Variants in SLFN12 observed in about 807,000 individuals in gnomAD.
The protein encoded by SLFN12 is schlafen family member 12, also known as ribonuclease SLFN12.
SLFN12 carries 25 observed loss-of-function variants against 29.1 expected under a neutral mutation model. The observed-to-expected ratio is 0.86, with a 90% CI of 0.63 to 1.20. SLFN12 has a LOEUF of 1.20. Among genes scored for constraint, SLFN12 ranks in the 50% most tolerant of loss-of-function variants. The pLI is 0.00. For missense variants in SLFN12, 660 were observed against 666.2 expected (o/e 0.99, Z 0.10); for synonymous variants, 257 against 238.7 (o/e 1.08, Z -0.71).
intron 2 of SLFN12, 148 bp downstream of exon 2, chr17:35,421,842 G>T: frequency 8.5e-7 from 1 of 1,176,874 alleles, no homozygotes; most frequent in Non-Finnish European, 1.2e-6. Context: ...GCCTGGCCGA[G>T]GCAGGGAACT....
Position 35,411,801 on chromosome 17 carries a change from G to A in SLFN12, c.1274C>T (p.Ser425Phe), listed in dbSNP as rs1198549641. The change falls in exon 4 of 4, where the codon TCT becomes TTT. Residue 425 changes from serine (S) to phenylalanine (F), a missense_variant. Transcript: ENST00000304905. ...GCCCAGATCCACAGACCAGCTCCTA[G>A]AGAAGATCAGTGAGCCCTTTCTGAC... is the stretch of plus-strand genomic sequence containing the variant. ...DSVRKGSLIF[S>F]RSWSVDLGLQ... 25 of 1,613,944 alleles carry A rather than the reference G, an allele frequency of 1.5e-5. No homozygotes were observed. The highest frequency in any genetic ancestry group is 1.8e-5 in the Non-Finnish European group (21 of 1,180,018).
At chr17:35,427,643 T>C (rs747632728) in intron 1 of SLFN12, among the ~76,000 whole-genome samples, 3 of 152,176 alleles carry the variant, frequency 2.0e-5, no homozygotes, top group Non-Finnish European at 4.4e-5. Context: ...CAATATAGTA[T>C]ATACAACAAG....
intron 3 of SLFN12, among the ~76,000 whole-genome samples, chr17:35,419,025 A>C (rs1218689580): frequency 6.6e-6 from 1 of 151,966 alleles, no homozygotes; most frequent in African/African-American, 2.4e-5. Context: ...GCACCACCAC[A>C]CCTGGCTAAT....
intron 2 of SLFN12, among the ~76,000 whole-genome samples, chr17:35,421,539 T>G (rs1911648281): frequency 5.7e-5 from 8 of 140,898 alleles, no homozygotes; most frequent in Admixed American, 1.4e-4. Context: ...GGGAACTTTT[T>G]TTTTTTTTTT....
chr17:35,417,388 C>T (rs1487733806), intron 3 of SLFN12, among the ~76,000 whole-genome samples: 1 of 152,062 alleles, frequency 6.6e-6, no homozygotes. Flanking sequence ...CTAGAAATAT[C>T]ATTAAACTTC....
At chr17:35,421,465 G>A (rs1360483627) in intron 2 of SLFN12, among the ~76,000 whole-genome samples, 1 of 150,554 alleles carries the variant, frequency 6.6e-6, no homozygotes, top group Admixed American at 6.6e-5. Flanking sequence ...ACTAAAAGTA[G>A]ATGATGTGCT....
intron 1 of SLFN12, among the ~76,000 whole-genome samples, chr17:35,425,833 CT>C (rs1475313050): frequency 2.3e-4 from 5 of 22,212 alleles, no homozygotes; most frequent in South Asian, 1.4e-3. Flanking sequence ...CTTTTCTTTT[CT>C]TTTCTTTTTT....
chr17:35,413,435 C>T (rs1401226426), intron 3 of SLFN12, among the ~76,000 whole-genome samples: 1 of 151,912 alleles, frequency 6.6e-6, no homozygotes, highest in African/African-American at 2.4e-5. Context: ...GCTAGCAAAC[C>T]AAATTCAACA....
chr17:35,421,758 T>A (rs995419431), intron 2 of SLFN12, among the ~76,000 whole-genome samples: 3 of 151,872 alleles, frequency 2.0e-5, no homozygotes, highest in Non-Finnish European at 4.4e-5. Flanking sequence ...CCAGGGATGG[T>A]CTCTATCTCC....
Position 35,422,684 on chromosome 17 carries a change from A to G in SLFN12, c.345T>C (p.Ser115=). 1.2e-6 allele frequency: 2 copies of G among 1,614,144 alleles called. No individual in the cohort carries two copies. The highest frequency in any genetic ancestry group is 8.5e-7 in the Non-Finnish European group (1 of 1,180,010). Residue 115 remains serine, a synonymous_variant, in exon 2 of 4, where the codon TCT becomes TCC. Transcript: ENST00000304905. ...AGCTCAAGGTGGTAATCCGCAGACC[A>G]GAGGTGTTCAAGCTCCATGACTTCA... ...IFVKSWSLNT[S]GLRITTLSSN...
intron 1 of SLFN12, chr17:35,430,479 T>C (rs1267512114): frequency 6.6e-6 from 1 of 152,164 alleles, no homozygotes; most frequent in Non-Finnish European, 1.5e-5. Context: ...ACCATCATTT[T>C]GGGTTTCCAG....
chr17:35,422,369 C>G lies in SLFN12; in HGVS notation c.660G>C (p.Glu220Asp). Residue 220 changes from glutamate to aspartate, a missense_variant, in exon 2 of 4, where the codon GAG becomes GAC. Glu to Asp is a conservative substitution (Grantham distance 45, BLOSUM62 2). Transcript: ENST00000304905. The part of the protein sequence containing the change: ...STEKLLQRIK[E>D]ILPQYVSAFA... ...ATGCAGAAACATATTGAGGGAGAAT[C>G]TCTTTAATTCGTTGTAACAACTTTT... 6.2e-7 allele frequency: 1 copy of G among 1,614,004 alleles called. No individual in the cohort carries two copies. The highest frequency in any genetic ancestry group is 8.5e-7 in the Non-Finnish European group (1 of 1,179,978).
intron 2 of SLFN12, 139 bp downstream of exon 2, chr17:35,421,851 C>G (rs17548916): frequency 0.084 from 102,510 of 1,222,348 alleles, 5,402 homozygotes; most frequent in Middle Eastern, 0.2. Context: ...AGGCAGGGAA[C>G]TATTGATTGT....
chr17:35,423,377 C>A (rs1401542769), intron 1 of SLFN12, among the ~76,000 whole-genome samples: 3 of 151,980 alleles, frequency 2.0e-5, no homozygotes, highest in African/African-American at 7.2e-5. Context: ...CTTAAACAAC[C>A]CCTGGAGTGA....
chr17:35,420,281 G>A lies in SLFN12; in HGVS notation c.1140C>T (p.His380=). The A allele has an allele frequency of 1.9e-6, 3 of 1,610,556 alleles. No homozygotes were observed. Among genetic ancestry groups the A allele is most frequent in the East Asian group, 4.5e-5 (2 of 44,840 alleles). The change falls in exon 3 of 4, where the codon CAC becomes CAT. Residue 380 remains histidine (H), a synonymous_variant. Coordinates refer to ENST00000304905, the MANE Select transcript of SLFN12 (RefSeq NM_018042.5). ...PLLEWQRQRH[H]CPGLSGRITY... is the part of the protein sequence containing the mutation. ...AAGCCAGAATGAAATTACCTGGACA[G>A]TGATGTCTCTGCCGTTGCCATTCCA...
chr17:35,424,590 T>C (rs376134625), intron 1 of SLFN12, among the ~76,000 whole-genome samples: 2 of 152,276 alleles, frequency 1.3e-5, no homozygotes, highest in East Asian at 1.9e-4. Context: ...TAGTAATTGC[T>C]ATACTAGAAA....
chr17:35,422,456 A>G lies in SLFN12; in HGVS notation c.573T>C (p.Asp191=), dbSNP rs748268085. The G allele has an allele frequency of 1.7e-5, 27 of 1,612,344 alleles. No homozygotes were observed. Among genetic ancestry groups the G allele is most frequent in the Admixed American group, 1.5e-4 (9 of 59,692 alleles). Residue 191 remains aspartate, a synonymous_variant, in exon 2 of 4, where the codon GAT becomes GAC. Transcript: ENST00000304905. ...CAGTAAAGGTCAATTTTTCTTTCCG[A>G]TCAAGTTCTGTTCTATCAAAAAAAA... ...AGVFFDRTEL[D]RKEKLTFTES... is the part of the protein sequence containing the mutation.
At position 35,422,968 on chromosome 17, in the gene SLFN12, C is replaced by T; in HGVS notation, c.61G>A (p.Val21Ile). ...YAELVLDVGR[V>I]TLGENSRKKM... ...TTCCTACTGTTCTCTCCAAGAGTGA[C>T]TCTTCCCACATCTAGAACCAACTCG... The change falls in exon 2 of 4, where the codon GTC (valine) becomes ATC (isoleucine). Residue 21 changes from valine (V) to isoleucine (I), a missense_variant. Physicochemically the swap from Val to Ile is conservative, Grantham distance 29 (BLOSUM62 3). Transcript: ENST00000304905. 1 of 1,613,654 alleles carries T rather than the reference C, an allele frequency of 6.2e-7. No individual in the cohort carries two copies. The highest frequency in any genetic ancestry group is 8.5e-7 in the Non-Finnish European group (1 of 1,179,928).
chr17:35,427,481 G>C (rs1028561618), intron 1 of SLFN12, among the ~76,000 whole-genome samples: 15 of 152,028 alleles, frequency 9.9e-5, no homozygotes, highest in Admixed American at 2.6e-4. Flanking sequence ...GCAATCAATA[G>C]CTTCACAAAA....
Sources: gnomAD v4.1 joint callset for allele counts (sites outside exome capture counted in the v4.1 genomes callset) on GRCh38, gnomAD v4.1.1 for gene constraint, MANE v1.5 for transcripts, NCBI Gene and HGNC (gene_info 2026-07-23, HGNC 2026-07-21) for gene names.